The following CRX variants were observed in gnomAD, a reference collection of about 807,000 sequenced individuals.
The protein encoded by CRX is cone-rod homeobox protein.
A neutral mutation model predicts 13.1 loss-of-function variants in CRX; 5 were observed. The observed-to-expected ratio is 0.38, with a 90% CI of 0.20 to 0.80. CRX has a LOEUF of 0.80. CRX is among the 30% of genes least tolerant of loss of function. The pLI, the probability that CRX is intolerant of heterozygous loss-of-function variation, is 0.43. For synonymous variants in CRX, 179 were observed against 171.1 expected (o/e 1.05, Z -0.36); for missense variants, 351 against 391.8 (o/e 0.90, Z 0.88).
chr19:47,839,231 C>T lies in CRX; in HGVS notation c.253-89C>T. The stretch of plus-strand genomic sequence containing the variant: ...ACAGATGTGAACCCAGCACCTCTCA[C>T]CAATAAGTGTCCTCATCCCCGGGCA... On this transcript the variant is annotated intron_variant, in intron 3 of 3. Transcript: ENST00000221996. The surrounding 1 kb of genome is among the most constrained non-coding windows in gnomAD (Gnocchi z 4.6). 7.1e-7 allele frequency: 1 copy of T among 1,410,874 alleles called. No individual in the cohort carries two copies. Among genetic ancestry groups the T allele is most frequent in the Non-Finnish European group, 9.7e-7 (1 of 1,033,968 alleles). The allele number at this position is 1,410,874 out of a possible 1,614,324, so 87.4% of individuals were successfully genotyped here.
In CRX at chr19:47,824,946, T is replaced by A. The variant is rs555134053; in HGVS notation, c.-36+2936T>A. Among the ~76,000 whole-genome samples the A allele has an allele frequency of 7.1e-3, 1,073 of 152,094 alleles. 15 individuals are homozygous for A. Among genetic ancestry groups the A allele is most frequent in the African/African-American group, 0.025 (1,019 of 41,468 alleles). ...AGTGATGAATTCCTGGACATTCTTT[T>A]TTTTTTTTCCTCCCCAGGAGACAGG... On this transcript the variant is annotated intron_variant, in intron 1 of 3. Coordinates refer to ENST00000221996, the MANE Select transcript of CRX (RefSeq NM_000554.6).
chr19:47,827,002 A>C (rs1011471659), intron 1 of CRX, among the ~76,000 whole-genome samples: 4 of 152,142 alleles, frequency 2.6e-5, no homozygotes, highest in Non-Finnish European at 2.9e-5. Context: ...TGGCTTGAGC[A>C]TCCTCACAAC....
At position 47,839,983 on chromosome 19, in the gene CRX, T is replaced by C. The variant is rs371964860; in HGVS notation, c.*16T>C. 56 of 1,611,694 alleles carry C rather than the reference T, an allele frequency of 3.5e-5. No individual in the cohort carries two copies. In the East Asian group the frequency reaches 5.8e-4, roughly 17 times the overall value. On this transcript the variant is annotated 3_prime_UTR_variant, in exon 4 of 4. Coordinates refer to ENST00000221996, the MANE Select transcript of CRX (RefSeq NM_000554.6). The surrounding 1 kb of genome is among the most constrained non-coding windows in gnomAD (Gnocchi z 4.6). ...GATCTTGTAGAGGACGCAGTCTCCA[T>C]CTCTCTCCATCGGGCCTCGGGACCC...
chr19:47,833,867 G>A (rs1017143817), intron 1 of CRX, among the ~76,000 whole-genome samples: 1 of 151,988 alleles, frequency 6.6e-6, no homozygotes, highest in African/African-American at 2.4e-5. Flanking sequence ...CCAGGCTGGA[G>A]TGCAATGGCC....
intron 1 of CRX, among the ~76,000 whole-genome samples, chr19:47,825,883 C>T (rs537752346): frequency 6.6e-6 from 1 of 152,162 alleles, no homozygotes; most frequent in South Asian, 2.1e-4. Flanking sequence ...GATTGCGCCA[C>T]TGCACTCCAG....
At chr19:47,822,638 G>T (rs1967926051) in intron 1 of CRX, among the ~76,000 whole-genome samples, 1 of 152,218 alleles carries the variant, frequency 6.6e-6, no homozygotes. Context: ...TGATGACTGG[G>T]GATCACTGTG....
intron 1 of CRX, among the ~76,000 whole-genome samples, chr19:47,829,488 C>T (rs1034485472): frequency 2.0e-5 from 3 of 151,948 alleles, no homozygotes; most frequent in African/African-American, 4.8e-5. Context: ...CCCACCACCA[C>T]GCCTGCCTAA....
chr19:47,827,957 C>A (rs1967996396), intron 1 of CRX, among the ~76,000 whole-genome samples: 1 of 146,926 alleles, frequency 6.8e-6, no homozygotes, highest in African/African-American at 2.5e-5. Context: ...AGTTCGAGAC[C>A]AGCCTGGCCA....
At position 47,842,492 on chromosome 19, in the gene CRX, G is replaced by T. The variant is rs1212001013; in HGVS notation, c.*2525G>T. The T allele has an allele frequency of 6.6e-6, 1 of 152,386 alleles. No homozygotes were observed. Among genetic ancestry groups the T allele is most frequent in the African/African-American group, 2.4e-5 (1 of 41,466 alleles). The allele number at this position is 152,386 out of a possible 1,614,324, so 9.4% of individuals were successfully genotyped here. On this transcript the variant is annotated 3_prime_UTR_variant, in exon 4 of 4. Transcript: ENST00000221996. ...AGCTACTCGGGAGGCTGAGGCAGGA[G>T]AATTGCTGGAACCCGGGAGGCGGAG...
Position 47,832,105 on chromosome 19 carries a change from G to T in CRX, c.-35-2304G>T, listed in dbSNP as rs997426430. 3.5e-3 allele frequency among the ~76,000 whole-genome samples: 319 copies of T among 91,904 alleles called. 3 individuals carry two copies. Among genetic ancestry groups the T allele is most frequent in the Middle Eastern group, 0.011 (1 of 94 alleles). The allele number at this position is 91,904 out of a possible 152,430, so 60.3% of individuals were successfully genotyped here. A position where few individuals can be genotyped will look rare whatever the true frequency, so the allele number is the denominator to read the frequency against. The stretch of plus-strand genomic sequence containing the variant: ...AAATCAGTTCAGAGAGCAGCCTTAT[G>T]TTTTTTTTTTTTTTTTTTGAGACGG... On this transcript the variant is annotated intron_variant, in intron 1 of 3. Transcript: ENST00000221996.
At position 47,836,515 on chromosome 19, in the gene CRX, G is replaced by A; in HGVS notation, c.252+121G>A. On this transcript the variant is annotated intron_variant, in intron 3 of 3. Coordinates refer to ENST00000221996, the MANE Select transcript of CRX (RefSeq NM_000554.6). ...GAGTGACAGCCAAAGTTATAAAGGG[G>A]ACAATAATCCCTCTCCCCACCATCC... 3 of 1,313,020 alleles carry A rather than the reference G, an allele frequency of 2.3e-6. No homozygotes were observed. The South Asian group carries it at 3.7e-5, about 16-fold the overall frequency. The allele number at this position is 1,313,020 out of a possible 1,614,324, so 81.3% of individuals were successfully genotyped here.
At chr19:47,827,541 T>C (rs1967988967) in intron 1 of CRX, among the ~76,000 whole-genome samples, 1 of 143,910 alleles carries the variant, frequency 6.9e-6, no homozygotes, top group Non-Finnish European at 1.5e-5. Flanking sequence ...TGAAGGCTTT[T>C]TTTTTTTTTT....
At chr19:47,831,507 C>T (rs1015773179) in intron 1 of CRX, among the ~76,000 whole-genome samples, 1 of 151,868 alleles carries the variant, frequency 6.6e-6, no homozygotes, top group African/African-American at 2.4e-5. Flanking sequence ...TTGTGAACTG[C>T]ACGTGCGAGA....
chr19:47,833,086 A>G (rs1968073779), intron 1 of CRX, among the ~76,000 whole-genome samples: 1 of 115,168 alleles, frequency 8.7e-6, no homozygotes, highest in South Asian at 2.9e-4. Context: ...TTTTTCAGAG[A>G]TGGGGGGTCT....
chr19:47,837,154 T>C (rs560350042), intron 3 of CRX, among the ~76,000 whole-genome samples: 3 of 152,172 alleles, frequency 2.0e-5, no homozygotes, highest in East Asian at 1.9e-4. Context: ...CATGCTTGCA[T>C]GATTGGATGG....
chr19:47,835,050 A>T (rs887919797), intron 2 of CRX, among the ~76,000 whole-genome samples: 14 of 148,784 alleles, frequency 9.4e-5, no homozygotes, highest in African/African-American at 3.5e-4. Context: ...TCTGAAGTGC[A>T]ATGGTGCAAT....
chr19:47,837,173 A>C (rs966277985), intron 3 of CRX, among the ~76,000 whole-genome samples: 1 of 152,102 alleles, frequency 6.6e-6, no homozygotes, highest in South Asian at 2.1e-4. Context: ...GGATGGGTAT[A>C]TTTATTTATT....
intron 1 of CRX, among the ~76,000 whole-genome samples, chr19:47,823,916 C>T (rs1967943099): frequency 6.6e-6 from 1 of 152,180 alleles, no homozygotes; most frequent in African/African-American, 2.4e-5. Flanking sequence ...TCCCAAAGTG[C>T]TGGGATTACA....
Position 47,839,880 on chromosome 19 carries a change from C to A in CRX, c.813C>A (p.Asp271Glu), listed in dbSNP as rs1251039837. Reference protein sequence around the residue: ...YSPVDSLEFKDPTGTWKFTYN... With the variant: ...YSPVDSLEFKEPTGTWKFTYN... ...CCGTGGATAGCTTGGAATTCAAGGA[C>A]CCCACGGGCACCTGGAAATTCACCT... Residue 271 changes from aspartate to glutamate, a missense_variant, in exon 4 of 4, where the codon GAC becomes GAA. Physicochemically the swap from Asp to Glu is conservative, Grantham distance 45 (BLOSUM62 2). Coordinates refer to ENST00000221996, the MANE Select transcript of CRX (RefSeq NM_000554.6). The surrounding 1 kb of genome is among the most constrained non-coding windows in gnomAD (Gnocchi z 4.6). The A allele has an allele frequency of 6.2e-7, 1 of 1,614,120 alleles. No homozygotes were observed. The highest frequency in any genetic ancestry group is 1.1e-5 in the South Asian group (1 of 91,086).
Sources: allele counts gnomAD v4.1 joint callset (sites outside exome capture counted in the v4.1 genomes callset), GRCh38; gene constraint gnomAD v4.1.1; non-coding constraint Gnocchi (gnomAD v3.1); transcripts MANE v1.5; gene names NCBI Gene and HGNC (gene_info 2026-07-23, HGNC 2026-07-21).